CFI: variants seen among roughly 807,000 people sequenced by gnomAD.
CFI encodes complement factor I, also known as C3B/C4B inactivator.
In CFI, 66 loss-of-function variants were observed where a neutral mutation model predicts 78.8. The observed-to-expected ratio is 0.84, with a 90% CI of 0.69 to 1.03. The LOEUF (loss-of-function observed/expected upper bound fraction) is 1.03, where lower values mean the gene tolerates loss of function less well. CFI is among the 50% of genes least tolerant of loss of function. The pLI, the probability that CFI is intolerant of heterozygous loss-of-function variation, is 0.00. For synonymous variants in CFI, 250 were observed against 232.6 expected (o/e 1.07, Z -0.68); for missense variants, 706 against 704.5 (o/e 1.00, Z -0.02).
intron 3 of CFI, 122 bp from the exon 4 acceptor site, chr4:109,761,814 T>C: frequency 1.2e-6 from 1 of 803,574 alleles, no homozygotes. Flanking sequence ...AGTTACAGCT[T>C]GGGCAAGATA....
chr4:109,764,014 T>A (rs1337789096), intron 3 of CFI, among the ~76,000 whole-genome samples: 1 of 148,638 alleles, frequency 6.7e-6, no homozygotes, highest in Non-Finnish European at 1.5e-5. Context: ...AAGCTATATA[T>A]AAATTATAGT....
intron 4 of CFI, 96 bp downstream of exon 4, chr4:109,761,421 C>T: frequency 8.3e-7 from 1 of 1,205,068 alleles, no homozygotes; most frequent in Admixed American, 1.7e-5. Context: ...GCCTCTGTGA[C>T]TGGCAACGAG....
intron 1 of CFI, among the ~76,000 whole-genome samples, chr4:109,780,431 TCAAAACCACAATGAGATAC>T (rs1237893741): frequency 6.6e-6 from 1 of 152,048 alleles, no homozygotes; most frequent in African/African-American, 2.4e-5. Flanking sequence ...GAAATGCAAA[TCAAAACCACAATGAGATAC>T]CATCTCACAC....
At chr4:109,785,501 A>G (rs1730629414) in intron 1 of CFI, among the ~76,000 whole-genome samples, 1 of 151,846 alleles carries the variant, frequency 6.6e-6, no homozygotes, top group Admixed American at 6.6e-5. Flanking sequence ...ATTTACTTAT[A>G]TTTTTGCTCC....
chr4:109,789,902 T>C (rs1402652172), intron 1 of CFI, among the ~76,000 whole-genome samples: 1 of 152,118 alleles, frequency 6.6e-6, no homozygotes, highest in South Asian at 2.1e-4. Flanking sequence ...TAATTCTCTT[T>C]ATATGTTTGG....
At position 109,740,815 on chromosome 4, in the gene CFI, T is replaced by C. The variant is rs1164887659; in HGVS notation, c.*78A>G. ...GCTTCATTTTTCCCCCCTAGAGAAT[T>C]ATTAATTATACCGTTTTATTTCCAT... On this transcript the variant is annotated 3_prime_UTR_variant, in exon 13 of 13. Transcript: ENST00000394634. 7.5e-7 allele frequency: 1 copy of C among 1,340,232 alleles called. No homozygotes were observed. The allele number at this position is 1,340,232 out of a possible 1,614,324, so 83.0% of individuals were successfully genotyped here.
At chr4:109,783,460 A>G (rs755390741) in intron 1 of CFI, among the ~76,000 whole-genome samples, 56 of 152,126 alleles carry the variant, frequency 3.7e-4, no homozygotes, top group Non-Finnish European at 7.9e-4. Context: ...AATGCAAATC[A>G]AAACCACAAT....
chr4:109,742,603 A>T lies in CFI; in HGVS notation c.1430-8T>A. 6.5e-7 allele frequency: 1 copy of T among 1,543,312 alleles called. No homozygotes were observed. The highest frequency in any genetic ancestry group is 1.7e-5 in the Admixed American group (1 of 59,914). Reference sequence around the variant, plus strand: ...AAAAGACTCTTTCGTTATCTAAACAAAGTGAGAAAGCAAACATTTAGAAGT... The same window carrying T: ...AAAAGACTCTTTCGTTATCTAAACATAGTGAGAAAGCAAACATTTAGAAGT... On this transcript the variant is annotated splice_region_variant and splice_polypyrimidine_tract_variant and intron_variant, in intron 11 of 12. Transcript: ENST00000394634.
At chr4:109,752,953 ACATATT>A (rs1725343238) in intron 7 of CFI, among the ~76,000 whole-genome samples, 1 of 63,438 alleles carries the variant, frequency 1.6e-5, no homozygotes. Context: ...TATTTATAAT[ACATATT>A]TATTATATAT....
chr4:109,776,767 G>T (rs4501226), intron 1 of CFI, among the ~76,000 whole-genome samples: 9 of 152,300 alleles, frequency 5.9e-5, no homozygotes, highest in Admixed American at 2.6e-4. Context: ...GACTAACAGC[G>T]GATCTCTCCG....
chr4:109,741,787 AT>A (rs1723827453), intron 12 of CFI: 9 of 155,236 alleles, frequency 5.8e-5, no homozygotes, highest in African/African-American at 2.2e-4. Context: ...TAGGATGTCA[AT>A]AACTGCCTTT....
At chr4:109,750,822 C>G (rs1050422493) in intron 8 of CFI, among the ~76,000 whole-genome samples, 3 of 152,184 alleles carry the variant, frequency 2.0e-5, no homozygotes, top group Non-Finnish European at 4.4e-5. Flanking sequence ...GCTAAAGCAA[C>G]TTCATCTTGG....
At chr4:109,769,704 C>G (rs1328600426) in intron 1 of CFI, among the ~76,000 whole-genome samples, 1 of 152,176 alleles carries the variant, frequency 6.6e-6, no homozygotes, top group African/African-American at 2.4e-5. Context: ...GCTCCAGTAT[C>G]CAACAGTACT....
At chr4:109,736,965 T>A (rs982465636), downstream of CFI, among the ~76,000 whole-genome samples, 1 of 152,208 alleles carries the variant, frequency 6.6e-6, no homozygotes, top group Non-Finnish European at 1.5e-5. Flanking sequence ...CTGGGAATTA[T>A]CCTAGTCTCA....
chr4:109,801,896 T>A lies in CFI; in HGVS notation c.57+19A>T. 6.5e-7 allele frequency: 1 copy of A among 1,544,992 alleles called. No individual in the cohort carries two copies. The highest frequency in any genetic ancestry group is 1.1e-5 in the South Asian group (1 of 88,100). On this transcript the variant is annotated intron_variant, in intron 1 of 12. Transcript: ENST00000394634. ...AAATTATCAATTAAAATTGTTTGCATAAAGGTTGAATTACTTACCTTGCAA... is the reference window on the plus strand; with the variant it reads ...AAATTATCAATTAAAATTGTTTGCAAAAAGGTTGAATTACTTACCTTGCAA...
intron 1 of CFI, among the ~76,000 whole-genome samples, chr4:109,776,321 G>A (rs1729231587): frequency 6.6e-6 from 1 of 152,174 alleles, no homozygotes; most frequent in Non-Finnish European, 1.5e-5. Context: ...ACTATTTGAT[G>A]CATGCACAAG....
the CFI span, among the ~76,000 whole-genome samples, chr4:109,731,676 C>T: frequency 1.3e-5 from 2 of 152,176 alleles, no homozygotes; most frequent in African/African-American, 2.4e-5. Context: ...CTGCACTTCA[C>T]TCAGCCCCTC....
chr4:109,784,428 G>A (rs1161637721), intron 1 of CFI, among the ~76,000 whole-genome samples: 1 of 152,044 alleles, frequency 6.6e-6, no homozygotes, highest in East Asian at 1.9e-4. Context: ...TTTCTTTTAA[G>A]ATAGAGAATC....
rs542710507 is a variant in CFI, at chr4:109,782,190, C to A, written c.58-15366G>T. Among the ~76,000 whole-genome samples the A allele has an allele frequency of 2.6e-5, 4 of 152,038 alleles. No homozygotes were observed. In the South Asian group the frequency reaches 8.3e-4, roughly 32 times the overall value. ...ACAGACAAGAGAAATAATTTTATTTCTTTCTCTTTATGGGCATCCAAACCG... is the reference window on the plus strand; with the variant it reads ...ACAGACAAGAGAAATAATTTTATTTATTTCTCTTTATGGGCATCCAAACCG... On this transcript the variant is annotated intron_variant, in intron 1 of 12. Coordinates refer to ENST00000394634, the MANE Select transcript of CFI (RefSeq NM_000204.5).
Sources: allele counts gnomAD v4.1 joint callset (sites outside exome capture counted in the v4.1 genomes callset), GRCh38; gene constraint gnomAD v4.1.1; transcripts MANE v1.5; gene names NCBI Gene and HGNC (gene_info 2026-07-23, HGNC 2026-07-21).